The following PDE8B variants were observed in gnomAD, a reference collection of about 807,000 sequenced individuals.
PDE8B encodes the protein high affinity cAMP-specific and IBMX-insensitive 3',5'-cyclic phosphodiesterase 8B.
A neutral mutation model predicts 101.3 loss-of-function variants in PDE8B; 26 were observed. The ratio of observed to expected loss-of-function variants is 0.26; its 90% CI spans 0.19 to 0.36. The LOEUF is 0.36. PDE8B is among the 10% of genes least tolerant of loss of function. The pLI is 1.00. For missense variants in PDE8B, 810 were observed against 1,163.1 expected (o/e 0.70, Z 4.42); for synonymous variants, 424 against 429.3 (o/e 0.99, Z 0.15).
chr5:77,341,763 C>A (rs1779245377), intron 6 of PDE8B, among the ~76,000 whole-genome samples: 1 of 152,172 alleles, frequency 6.6e-6, no homozygotes, highest in South Asian at 2.1e-4. Context: ...TGAGGCAGTG[C>A]AGTGACAAAT....
the PDE8B span, among the ~76,000 whole-genome samples, chr5:77,109,423 C>T: frequency 3.3e-5 from 5 of 152,208 alleles, no homozygotes; most frequent in South Asian, 2.1e-4. Flanking sequence ...AAGTAAAATT[C>T]GAGAGTCTTG....
chr5:77,163,171 G>T, the PDE8B span, among the ~76,000 whole-genome samples: 1 of 152,198 alleles, frequency 6.6e-6, no homozygotes, highest in Admixed American at 6.5e-5. Flanking sequence ...TGATAGAAAT[G>T]AGGGTCAGAA....
chr5:77,331,668 A>G (rs1777161158), intron 5 of PDE8B, among the ~76,000 whole-genome samples: 1 of 152,220 alleles, frequency 6.6e-6, no homozygotes, highest in Admixed American at 6.5e-5. Context: ...GGTTATTTCC[A>G]TATATCTTAG....
chr5:77,345,011 T>A, intron 7 of PDE8B, 80 bp downstream of exon 7: 1 of 888,150 alleles, frequency 1.1e-6, no homozygotes, highest in Middle Eastern at 2.1e-4. Context: ...TCAAGTACTT[T>A]CCCATCATCC....
chr5:77,303,824 G>T (rs1469900210), intron 1 of PDE8B, among the ~76,000 whole-genome samples: 1 of 152,070 alleles, frequency 6.6e-6, no homozygotes, highest in Non-Finnish European at 1.5e-5. Context: ...TTGTTTTGTT[G>T]TTTAACTCAA....
At chr5:77,359,827 G>T (rs1243482584) in intron 10 of PDE8B, among the ~76,000 whole-genome samples, 1 of 152,156 alleles carries the variant, frequency 6.6e-6, no homozygotes, top group Non-Finnish European at 1.5e-5. Context: ...GCCGGGCGCA[G>T]TGGTTCACGC....
chr5:77,253,719 C>A lies in PDE8B; in HGVS notation c.339+42455C>A, dbSNP rs188450073. ...GATACCTGAAATTTGCAGCTGTATA[C>A]CCCTGGCTCTTGATGTGAGACTTGA... On this transcript the variant is annotated intron_variant, in intron 1 of 21. Coordinates refer to ENST00000264917, the MANE Select transcript of PDE8B (RefSeq NM_003719.5). Among the ~76,000 whole-genome samples, 390 of 152,166 alleles carry A rather than the reference C, an allele frequency of 2.6e-3. 2 individuals carry two copies. Among genetic ancestry groups the A allele is most frequent in the African/African-American group, 8.9e-3 (369 of 41,528 alleles).
intron 1 of PDE8B, among the ~76,000 whole-genome samples, chr5:77,303,175 A>G (rs950045662): frequency 2.6e-5 from 4 of 152,360 alleles, no homozygotes; most frequent in Non-Finnish European, 4.4e-5. Context: ...ATTTGGAAAT[A>G]TCTACATATA....
chr5:77,285,914 C>T (rs1450814548), intron 1 of PDE8B, among the ~76,000 whole-genome samples: 3 of 151,942 alleles, frequency 2.0e-5, no homozygotes, highest in Non-Finnish European at 2.9e-5. Context: ...TGTATTTTTT[C>T]AGTTCTAAAA....
the PDE8B span, among the ~76,000 whole-genome samples, chr5:77,166,238 A>AAC: frequency 6.6e-6 from 1 of 151,336 alleles, no homozygotes; most frequent in South Asian, 2.1e-4. Flanking sequence ...AAAAAAAAAA[A>AAC]AAAAAAAACC....
At chr5:77,276,292 G>A (rs1763837773) in intron 1 of PDE8B, among the ~76,000 whole-genome samples, 1 of 152,180 alleles carries the variant, frequency 6.6e-6, no homozygotes, top group Non-Finnish European at 1.5e-5. Context: ...GCTCTTCTCT[G>A]TATGAGGAGG....
At chr5:77,173,789 A>G in the PDE8B span, among the ~76,000 whole-genome samples, 1 of 151,716 alleles carries the variant, frequency 6.6e-6, no homozygotes, top group Admixed American at 6.6e-5. Context: ...TAGAAAGTGT[A>G]GCGGAGTTAA....
chr5:77,265,451 T>C (rs1761501280), intron 1 of PDE8B, among the ~76,000 whole-genome samples: 1 of 152,232 alleles, frequency 6.6e-6, no homozygotes, highest in Admixed American at 6.5e-5. Context: ...ACAATTTCTG[T>C]GCTCTTTCCA....
At chr5:77,097,697 ATATATATATC>A in the PDE8B span, among the ~76,000 whole-genome samples, 153 of 23,352 alleles carry the variant, frequency 6.6e-3, 14 homozygotes, top group Admixed American at 0.014. Context: ...ATATATCTAT[ATATATATATC>A]TATATATATA....
chr5:77,216,217 A>T (rs1012622649), intron 1 of PDE8B, among the ~76,000 whole-genome samples: 4 of 152,226 alleles, frequency 2.6e-5, no homozygotes, highest in Non-Finnish European at 5.9e-5. Context: ...CTAGAAAAAG[A>T]GGGAGCTGTT....
At chr5:77,280,332 G>C (rs1053589884) in intron 1 of PDE8B, among the ~76,000 whole-genome samples, 1 of 152,152 alleles carries the variant, frequency 6.6e-6, no homozygotes, top group Non-Finnish European at 1.5e-5. Flanking sequence ...CACTGCTGCT[G>C]TCTCCTCCCT....
chr5:77,400,197 G>T, intron 10 of PDE8B, 51 bp from the exon 11 acceptor site: 2 of 1,209,180 alleles, frequency 1.7e-6, no homozygotes, highest in South Asian at 2.4e-5. Flanking sequence ...TATAGCAAAT[G>T]GCATATTTAA....
the PDE8B span, chr5:77,180,485 A>C: frequency 1.0e-6 from 1 of 985,294 alleles, no homozygotes; most frequent in Non-Finnish European, 1.2e-6. Flanking sequence ...AGCGCGTGCC[A>C]GGTGAGCCCC....
At position 77,277,562 on chromosome 5, in the gene PDE8B, A is replaced by C. The variant is rs187244550; in HGVS notation, c.340-34432A>C. 2.6e-4 allele frequency among the ~76,000 whole-genome samples: 40 copies of C among 152,350 alleles called. 1 individual carries two copies. The East Asian group carries it at 7.5e-3, about 29-fold the overall frequency. The stretch of plus-strand genomic sequence containing the variant: ...GAAAAACATATATTCTCTGCTTCAC[A>C]TCAAAAATGTAGGCTTACTTTTAAG... On this transcript the variant is annotated intron_variant, in intron 1 of 21. Coordinates refer to ENST00000264917, the MANE Select transcript of PDE8B (RefSeq NM_003719.5).
Sources: gnomAD v4.1 joint callset for allele counts (sites outside exome capture counted in the v4.1 genomes callset) on GRCh38, gnomAD v4.1.1 for gene constraint, MANE v1.5 for transcripts, NCBI Gene and HGNC (gene_info 2026-07-23, HGNC 2026-07-21) for gene names.